Variants in ZFYVE26 observed in about 807,000 individuals in gnomAD.
ZFYVE26 encodes the protein zinc finger FYVE domain-containing protein 26.
ZFYVE26 carries 181 observed loss-of-function variants against 276.5 expected under a neutral mutation model. The observed-to-expected ratio is 0.65, with a 90% CI of 0.58 to 0.74. The LOEUF is 0.74. Among genes scored for constraint, ZFYVE26 ranks in the 30% least tolerant of loss-of-function variants. The pLI is 0.00. For synonymous variants in ZFYVE26, 1,129 were observed against 1,203.1 expected (o/e 0.94, Z 1.27); for missense variants, 2,821 against 3,097.9 (o/e 0.91, Z 2.12).
chr14:67,773,364 A>T (rs1291473388), intron 27 of ZFYVE26, among the ~76,000 whole-genome samples: 1 of 152,076 alleles, frequency 6.6e-6, no homozygotes. Flanking sequence ...CAGCCTAGGC[A>T]ACAAAGCAAG....
intron 29 of ZFYVE26, 56 bp downstream of exon 29, chr14:67,769,538 C>G: frequency 1.2e-6 from 2 of 1,607,822 alleles, no homozygotes; most frequent in South Asian, 2.2e-5. Context: ...AGTGTAGGGA[C>G]CTGCGGAAGG....
intron 16 of ZFYVE26, among the ~76,000 whole-genome samples, chr14:67,788,978 T>C (rs145318785): frequency 6.9e-4 from 105 of 152,312 alleles, no homozygotes; most frequent in African/African-American, 2.5e-3. Context: ...ACTCATTAAG[T>C]TTTCCCTTAC....
At chr14:67,815,612 G>GTA (rs1354200570) in intron 2 of ZFYVE26, 158 bp downstream of exon 2, 14 of 739,708 alleles carry the variant, frequency 1.9e-5, no homozygotes, top group African/African-American at 3.4e-5. Context: ...AGTAATGGAT[G>GTA]TATACTATAG....
intron 34 of ZFYVE26, 144 bp downstream of exon 34, chr14:67,762,059 G>A: frequency 1.2e-6 from 1 of 836,488 alleles, no homozygotes; most frequent in Non-Finnish European, 1.9e-6. Flanking sequence ...AACTATATGT[G>A]ATGGAAAAAA....
rs200534307 is a variant in ZFYVE26, at chr14:67,814,311, G to A, written c.195-247C>T. ...AGGTGGGTGGATCACCTGTGGTCAC[G>A]AGTTCGAGACCAACCTGGCCAACAT... On this transcript the variant is annotated intron_variant, in intron 2 of 41. Transcript: ENST00000347230. Among the ~76,000 whole-genome samples, 33 of 152,288 alleles carry A rather than the reference G, an allele frequency of 2.2e-4. No individual in the cohort carries two copies. In the East Asian group the frequency reaches 6.2e-3, roughly 28 times the overall value.
At chr14:67,811,605 G>A (rs1464860255) in intron 3 of ZFYVE26, among the ~76,000 whole-genome samples, 7 of 151,756 alleles carry the variant, frequency 4.6e-5, no homozygotes, top group African/African-American at 1.7e-4. Context: ...TAGAAAAATT[G>A]AATATACAAA....
intron 2 of ZFYVE26, 84 bp from the exon 3 acceptor site, chr14:67,814,148 T>A: frequency 9.1e-7 from 1 of 1,100,248 alleles, no homozygotes; most frequent in Non-Finnish European, 1.4e-6. Flanking sequence ...ATTTCATTGC[T>A]TATTCTGTTT....
intron 13 of ZFYVE26, among the ~76,000 whole-genome samples, chr14:67,740,882 T>G (rs1311480433): frequency 1.3e-5 from 2 of 152,018 alleles, no homozygotes; most frequent in African/African-American, 2.4e-5. Context: ...GCACTCCAGC[T>G]TGGGTGACAG....
At chr14:67,761,170 T>C in intron 35 of ZFYVE26, 196 bp downstream of exon 35, 1 of 697,106 alleles carries the variant, frequency 1.4e-6, no homozygotes, top group African/African-American at 1.7e-5. Context: ...TGATTTGGGA[T>C]CTAGGCTAAG....
intron 14 of ZFYVE26, 21 bp from the exon 15 acceptor site, chr14:67,790,794 T>G (rs762620109): frequency 6.2e-7 from 1 of 1,610,528 alleles, no homozygotes; most frequent in Non-Finnish European, 8.5e-7. Context: ...AGAGGGAGTG[T>G]GTGGGCCCTG....
In ZFYVE26 at chr14:67,813,997, C is replaced by T; in HGVS notation, c.262G>A (p.Ala88Thr). ...ATAAACCTACTTACCTTTTCCCGGG[C>T]CAACCATTTCTCCAGTACAAGAAGC... ...VWLLVLEKWLAREKKLLPVVF... is the reference protein window; with the variant it reads ...VWLLVLEKWLTREKKLLPVVF... Residue 88 changes from alanine (A) to threonine (T), a missense_variant, in exon 3 of 42, where the codon GCC becomes ACC. By Grantham distance (58) the Ala-to-Thr change is moderately conservative. Coordinates refer to ENST00000347230, the MANE Select transcript of ZFYVE26 (RefSeq NM_015346.4). 10 of 1,613,640 alleles carry T rather than the reference C, an allele frequency of 6.2e-6. No individual in the cohort carries two copies. Among genetic ancestry groups the T allele is most frequent in the Non-Finnish European group, 8.5e-6 (10 of 1,179,668 alleles).
intron 25 of ZFYVE26, among the ~76,000 whole-genome samples, chr14:67,777,355 G>C (rs994992884): frequency 2.0e-5 from 3 of 152,212 alleles, no homozygotes; most frequent in African/African-American, 4.8e-5. Context: ...GACTCAACTA[G>C]GATACAGAGG....
downstream of ZFYVE26, among the ~76,000 whole-genome samples, chr14:67,742,838 CTTTTTTTT>C (rs71446342): frequency 3.3e-5 from 3 of 89,756 alleles, no homozygotes; most frequent in South Asian, 3.4e-4. Flanking sequence ...TCTTCTTCTT[CTTTTTTTT>C]TTTTTTTTTT....
Position 67,799,157 on chromosome 14 carries a change from G to C in ZFYVE26, c.1640-535C>G, listed in dbSNP as rs546146517. On this transcript the variant is annotated intron_variant, in intron 10 of 41. Transcript: ENST00000347230. ...GCTACTCTTTAAAAAGATATCTTTA[G>C]AGGACATTCAAGCTTTTGAAAAGAC... 1,264 of 1,550,066 alleles carry C rather than the reference G, an allele frequency of 8.2e-4. 8 individuals carry two copies. The highest frequency in any genetic ancestry group is 1.1e-4 in the Non-Finnish European group (128 of 1,122,160).
rs139484310 is a variant in ZFYVE26, at chr14:67,766,259, G to A, written c.5979C>T (p.Ala1993=). 91 of 1,614,026 alleles carry A rather than the reference G, an allele frequency of 5.6e-5. No individual in the cohort carries two copies. In the African/African-American group the frequency reaches 7.5e-4, roughly 13 times the overall value. ...LFSAKMMFVK[A]GQSQDLALCD... The stretch of plus-strand genomic sequence containing the variant: ...AAAGAGCCAAGTCTTGGCTCTGGCC[G>A]GCTTTGACGAACATCATCTTGGCGC... The change falls in exon 32 of 42, where the codon GCC becomes GCT. Residue 1993 remains alanine, a synonymous_variant. Coordinates refer to ENST00000347230, the MANE Select transcript of ZFYVE26 (RefSeq NM_015346.4).
At chr14:67,750,918 T>C in intron 41 of ZFYVE26, 134 bp downstream of exon 41, 2 of 1,171,588 alleles carry the variant, frequency 1.7e-6, no homozygotes, top group Admixed American at 3.5e-5. Context: ...AAGCCTCAGC[T>C]CCACCTCTGA....
chr14:67,780,471 G>A, intron 22 of ZFYVE26, 126 bp from the exon 23 acceptor site: 3 of 861,058 alleles, frequency 3.5e-6, no homozygotes, highest in Admixed American at 4.0e-5. Context: ...GTCAGAACTT[G>A]CCAGAAAAGA....
chr14:67,805,588 C>T lies in ZFYVE26; in HGVS notation c.1048G>A (p.Asp350Asn), dbSNP rs761038029. ...VTALTLLKEE[D>N]FPNLGCLLDR... ...AGTAGGCAGCCAAGATTTGGGAAGT[C>T]TTCTTCTTTCAACAATGTTAGTGCT... Residue 350 changes from aspartate (D) to asparagine (N), a missense_variant, in exon 7 of 42, where the codon GAC (aspartate) becomes AAC (asparagine). Transcript: ENST00000347230. The T allele has an allele frequency of 6.2e-7, 1 of 1,614,178 alleles. No individual in the cohort carries two copies. Among genetic ancestry groups the T allele is most frequent in the Non-Finnish European group, 8.5e-7 (1 of 1,180,032 alleles).
intron 35 of ZFYVE26, chr14:67,761,003 T>A: frequency 1.8e-6 from 1 of 543,432 alleles, no homozygotes; most frequent in Non-Finnish European, 3.3e-6. Flanking sequence ...CCAGGCCAGG[T>A]AGGGAGGCGC....
Sources: gnomAD v4.1 joint callset for allele counts (sites outside exome capture counted in the v4.1 genomes callset) on GRCh38, gnomAD v4.1.1 for gene constraint, MANE v1.5 for transcripts, NCBI Gene and HGNC (gene_info 2026-07-23, HGNC 2026-07-21) for gene names.